The following ZIC4 variants were observed in gnomAD, a reference collection of about 807,000 sequenced individuals.
The protein encoded by ZIC4 is zinc finger protein ZIC 4.
Under a neutral mutation model 28.8 loss-of-function variants are expected in ZIC4, and 15 were observed. The observed-to-expected ratio is 0.52, with a 90% CI of 0.35 to 0.80. ZIC4 has a LOEUF of 0.80. ZIC4 is among the 30% of genes least tolerant of loss of function. The probability of loss-of-function intolerance (pLI) is 0.01; values close to 1 mark genes in which losing one functional copy is unlikely to be tolerated. For missense variants in ZIC4, 512 were observed against 467.1 expected (o/e 1.10, Z -0.89); for synonymous variants, 220 against 198.1 (o/e 1.11, Z -0.93).
At chr3:147,397,602 C>T (rs1402411883) in intron 2 of ZIC4, among the ~76,000 whole-genome samples, 4 of 152,076 alleles carry the variant, frequency 2.6e-5, no homozygotes, top group East Asian at 1.9e-4. Context: ...TTTGGGGAGG[C>T]AGCATTGCGG....
chr3:147,388,989 T>G, intron 4 of ZIC4, 130 bp from the exon 5 acceptor site: 1 of 670,236 alleles, frequency 1.5e-6, no homozygotes, highest in Non-Finnish European at 2.7e-6. Context: ...AAAAAAGTCC[T>G]ACTTCAGGAA....
Position 147,396,358 on chromosome 3 carries a change from C to G in ZIC4, c.182G>C (p.Gly61Ala), listed in dbSNP as rs1299622238. 1 of 1,556,932 alleles carries G rather than the reference C, an allele frequency of 6.4e-7. No homozygotes were observed. Among genetic ancestry groups the G allele is most frequent in the Admixed American group, 2.0e-5 (1 of 50,604 alleles). Reference protein sequence around the residue: ...PQASPSRPLNGLLRLGLPGDM... With the variant: ...PQASPSRPLNALLRLGLPGDM... Reference sequence around the variant, plus strand: ...TCCAGGGAGCCCCAGACGCAGGAGTCCATTCAAAGGACGGCTGGGGGAGGC... The same window carrying G: ...TCCAGGGAGCCCCAGACGCAGGAGTGCATTCAAAGGACGGCTGGGGGAGGC... Residue 61 changes from glycine (G) to alanine (A), a missense_variant, in exon 3 of 5, where the codon GGA (glycine) becomes GCA (alanine). Physicochemically the swap from Gly to Ala is moderately conservative, Grantham distance 60 (BLOSUM62 0). This residue lies in a region of ZIC4 where 310 missense variants were observed against 256.5 expected (regional missense o/e 1.21). Coordinates refer to ENST00000383075, the MANE Select transcript of ZIC4 (RefSeq NM_032153.6). The surrounding 1 kb of genome is among the most constrained non-coding windows in gnomAD (Gnocchi z 4.2).
chr3:147,402,698 A>C, intron 2 of ZIC4, 30 bp downstream of exon 2: 1 of 1,559,178 alleles, frequency 6.4e-7, no homozygotes, highest in Non-Finnish European at 8.7e-7. Context: ...AAACCAGCAA[A>C]CCAATATTCA....
intron 2 of ZIC4, among the ~76,000 whole-genome samples, chr3:147,401,549 C>G (rs903038276): frequency 1.3e-5 from 2 of 152,106 alleles, no homozygotes; most frequent in African/African-American, 4.8e-5. Flanking sequence ...GGTTGCCACC[C>G]TAAACAGAGG....
chr3:147,391,005 C>T lies in ZIC4; in HGVS notation c.930G>A (p.Ser310=). ...CCTGGGACTTGTGGCCGCAGTCCGA[C>T]GAGGGCGACACGAGGGCAGACGGTG... is the stretch of plus-strand genomic sequence containing the variant. ...SATPSALVSP[S]SDCGHKSQVA... is the part of the protein sequence containing the mutation. The change falls in exon 4 of 5, where the codon TCG becomes TCA. Residue 310 remains serine (S), a synonymous_variant. Coordinates refer to ENST00000383075, the MANE Select transcript of ZIC4 (RefSeq NM_032153.6). The T allele has an allele frequency of 1.2e-6, 2 of 1,613,354 alleles. No individual in the cohort carries two copies. The highest frequency in any genetic ancestry group is 1.7e-6 in the Non-Finnish European group (2 of 1,179,876).
In ZIC4 at chr3:147,395,946, G is replaced by A; in HGVS notation, c.594C>T (p.His198=). The part of the protein sequence containing the change: ...KYKLVNHIRV[H]TGEKPFPCPF... Reference sequence around the variant, plus strand: ...GACAAGGGAAGGGCTTCTCGCCCGTGTGCACGCGGATGTGATTTACAAGTT... The same window carrying A: ...GACAAGGGAAGGGCTTCTCGCCCGTATGCACGCGGATGTGATTTACAAGTT... Residue 198 remains histidine (H), a synonymous_variant, in exon 3 of 5, where the codon CAC becomes CAT. Transcript: ENST00000383075. The A allele has an allele frequency of 6.2e-7, 1 of 1,614,250 alleles. No homozygotes were observed. The highest frequency in any genetic ancestry group is 1.3e-5 in the African/African-American group (1 of 75,078).
rs2086812786 is a variant in ZIC4, at chr3:147,387,232, T to A, written c.*1627A>T. ...GATGTCTAGGCATTGCTTTTGTTTA[T>A]CCCTTAGCAAGACTTAGACCTAAAG... On this transcript the variant is annotated 3_prime_UTR_variant, in exon 5 of 5. Coordinates refer to ENST00000383075, the MANE Select transcript of ZIC4 (RefSeq NM_032153.6). The A allele has an allele frequency of 6.6e-6, 1 of 152,514 alleles. No individual in the cohort carries two copies. The highest frequency in any genetic ancestry group is 6.5e-5 in the Admixed American group (1 of 15,280). The allele number at this position is 152,514 out of a possible 1,614,324, so 9.4% of individuals were successfully genotyped here.
chr3:147,399,455 C>T (rs1415094693), intron 2 of ZIC4, among the ~76,000 whole-genome samples: 2 of 152,174 alleles, frequency 1.3e-5, no homozygotes, highest in Admixed American at 6.5e-5. Flanking sequence ...ACCTGAGACT[C>T]CTTGCCCAGT....
intron 2 of ZIC4, among the ~76,000 whole-genome samples, chr3:147,398,091 A>G (rs1002567393): frequency 2.0e-5 from 3 of 152,132 alleles, no homozygotes; most frequent in African/African-American, 4.8e-5. Flanking sequence ...TCTCCCCGCC[A>G]CAAGTCACAC....
At chr3:147,403,818 G>C in intron 1 of ZIC4, 7 of 829,840 alleles carry the variant, frequency 8.4e-6, no homozygotes, top group Non-Finnish European at 1.3e-5. Flanking sequence ...ATCTTAAACG[G>C]TATCCAGTTC....
intron 3 of ZIC4, among the ~76,000 whole-genome samples, chr3:147,394,248 TTTTG>T (rs2086990717): frequency 6.6e-6 from 1 of 151,780 alleles, no homozygotes; most frequent in South Asian, 2.1e-4. Flanking sequence ...GTTTGTTTGT[TTTTG>T]TTTGTTGTTT....
At chr3:147,391,931 C>G (rs371666201) in intron 3 of ZIC4, 13 of 982,088 alleles carry the variant, frequency 1.3e-5, no homozygotes, top group Non-Finnish European at 1.6e-5. Flanking sequence ...CCTTCTACCC[C>G]CTGAGGGCAA....
At chr3:147,398,479 G>A (rs1339743819) in intron 2 of ZIC4, among the ~76,000 whole-genome samples, 1 of 151,686 alleles carries the variant, frequency 6.6e-6, no homozygotes, top group Non-Finnish European at 1.5e-5. Flanking sequence ...CTTAAGTTCT[G>A]GCTCAGTCGA....
intron 1 of ZIC4, chr3:147,403,913 A>G: frequency 6.7e-7 from 1 of 1,491,882 alleles, no homozygotes; most frequent in Non-Finnish European, 8.9e-7. Flanking sequence ...TTACCCTTCC[A>G]TCTCCCCTCT....
chr3:147,405,463 G>C (rs1214057921), intron 1 of ZIC4: 3 of 1,537,100 alleles, frequency 2.0e-6, no homozygotes, highest in Non-Finnish European at 2.6e-6. Flanking sequence ...TTTGACATGG[G>C]CCATTCATCA....
intron 2 of ZIC4, among the ~76,000 whole-genome samples, chr3:147,397,345 A>T (rs2087071584): frequency 6.6e-6 from 1 of 151,168 alleles, no homozygotes; most frequent in Admixed American, 6.6e-5. Flanking sequence ...TCTCTCTCTC[A>T]CACTTCCCTG....
chr3:147,392,992 C>T (rs538543627), intron 3 of ZIC4: 63 of 151,556 alleles, frequency 4.2e-4, no homozygotes, highest in African/African-American at 1.4e-3. Context: ...ATTTGCAAAC[C>T]CAAAACTTTC....
rs769840851 is a variant in ZIC4, at chr3:147,391,054, G to A, written c.881C>T (p.Pro294Leu). The part of the protein sequence containing the change: ...HMKVHGRSPP[P>L]SSGYDSATPS... ...TGTAGCCGAATCGTAGCCAGAGCTG[G>A]GCGGCGGCGAGCGCCCGTGCACCTT... is the stretch of plus-strand genomic sequence containing the variant. The change falls in exon 4 of 5, where the codon CCC becomes CTC. Residue 294 changes from proline to leucine, a missense_variant. Pro to Leu is a moderately conservative substitution (Grantham distance 98). Around this residue, in one of 3 missense-constraint regions of ZIC4, gnomAD observed 144 missense variants for 116.8 expected, o/e 1.23. Transcript: ENST00000383075. 17 of 1,614,000 alleles carry A rather than the reference G, an allele frequency of 1.1e-5. No individual in the cohort carries two copies. In the African/African-American group the frequency reaches 1.6e-4, roughly 15 times the overall value.
intron 3 of ZIC4, chr3:147,392,056 T>TG: frequency 4.1e-6 from 4 of 985,576 alleles, no homozygotes; most frequent in Non-Finnish European, 4.8e-6. Flanking sequence ...GACCGTGCTG[T>TG]GGGCAGCTGG....
Sources: gnomAD v4.1 joint callset for allele counts (sites outside exome capture counted in the v4.1 genomes callset) on GRCh38, gnomAD v4.1.1 for gene constraint, gnomAD v4.1.1 regional missense constraint, Gnocchi (gnomAD v3.1) non-coding constraint, MANE v1.5 for transcripts, NCBI Gene and HGNC (gene_info 2026-07-23, HGNC 2026-07-21) for gene names.